The following NAV2 variants were observed in gnomAD, a reference collection of about 807,000 sequenced individuals.
NAV2 encodes the protein helicase, APC down-regulated 1.
NAV2 carries 54 observed loss-of-function variants against 223.2 expected under a neutral mutation model. The ratio of observed to expected loss-of-function variants is 0.24; its 90% confidence interval spans 0.19 to 0.30. NAV2 has a LOEUF of 0.30. NAV2 is among the 10% of genes least tolerant of loss of function. NAV2 has a pLI of 1.00. For missense variants in NAV2, 2,806 were observed against 3,147.5 expected, an observed-to-expected ratio of 0.89 and a Z score of 2.60; for synonymous variants, 1,279 against 1,239.3, an observed-to-expected ratio of 1.03 and a Z score of -0.67.
chr11:19,984,440 C>T (rs1321389556), intron 11 of NAV2, among the ~76,000 whole-genome samples, 193 bp downstream of exon 11: 4 of 152,090 alleles, frequency 2.6e-5, no homozygotes, highest in African/African-American at 9.7e-5. Flanking sequence ...TTCTTGAGTC[C>T]TGCTTCTGTG....
chr11:19,663,946 G>T (rs2048349904), intron 1 of NAV2, among the ~76,000 whole-genome samples: 1 of 152,158 alleles, frequency 6.6e-6, no homozygotes. Context: ...CCCATGGCAG[G>T]CACCGCTAAG....
chr11:19,924,520 G>T (rs1216098504), intron 6 of NAV2, among the ~76,000 whole-genome samples: 2 of 152,162 alleles, frequency 1.3e-5, no homozygotes, highest in Admixed American at 1.3e-4. Flanking sequence ...ACTGGGAAAT[G>T]TGTGGTTCAT....
intron 10 of NAV2, among the ~76,000 whole-genome samples, chr11:19,952,744 G>T (rs1214192255): frequency 6.6e-6 from 1 of 152,172 alleles, no homozygotes; most frequent in African/African-American, 2.4e-5. Flanking sequence ...CTGTACTGGT[G>T]TGTGCATGTG....
At chr11:19,376,674 C>A (rs1276206312) in intron 1 of NAV2, among the ~76,000 whole-genome samples, 1 of 152,170 alleles carries the variant, frequency 6.6e-6, no homozygotes, top group East Asian at 1.9e-4. Flanking sequence ...TGTCTAGAAC[C>A]CTCAGCTTGG....
At chr11:19,892,327 T>A (rs1211833917) in intron 5 of NAV2, 107 bp from the exon 6 acceptor site, 3 of 1,051,770 alleles carry the variant, frequency 2.9e-6, no homozygotes, top group Non-Finnish European at 4.0e-6. Flanking sequence ...CTCCACACAA[T>A]GTCTTGGATA....
intron 1 of NAV2, among the ~76,000 whole-genome samples, chr11:19,475,294 G>A (rs979811662): frequency 6.6e-6 from 1 of 152,238 alleles, no homozygotes; most frequent in Non-Finnish European, 1.5e-5. Context: ...AGAATGAAGA[G>A]GACAAAGCCT....
At chr11:19,626,223 T>C (rs971487343) in intron 1 of NAV2, among the ~76,000 whole-genome samples, 3 of 152,194 alleles carry the variant, frequency 2.0e-5, no homozygotes, top group Non-Finnish European at 2.9e-5. Flanking sequence ...GGATGAGAGA[T>C]GGAGGTCTGT....
At chr11:19,804,432 G>T (rs557066420) in intron 1 of NAV2, among the ~76,000 whole-genome samples, 1 of 152,290 alleles carries the variant, frequency 6.6e-6, no homozygotes, top group South Asian at 2.1e-4. Flanking sequence ...CATTTGAAAT[G>T]CAGGGTGGAT....
chr11:19,356,274 A>AG (rs1372426804), intron 1 of NAV2, among the ~76,000 whole-genome samples: 1 of 152,166 alleles, frequency 6.6e-6, no homozygotes, highest in African/African-American at 2.4e-5. Context: ...GTATAGGGTC[A>AG]GGGGGGAGGA....
rs2046254942 is a variant in NAV2 at position 19,939,864 on chromosome 11, GAGTTGC to G, written c.2146+93_2146+98del. On this transcript the variant is annotated intron_variant, in intron 8 of 37. Transcript: ENST00000349880. ...AACAGCATGAACCCAGCTTGATTAC[GAGTTGC>G]ATTATGTTTGCATTGACTTTGAGCT... is the stretch of plus-strand genomic sequence containing the variant. 8 of 782,972 alleles carry G rather than the reference GAGTTGC, an allele frequency of 1.0e-5. No homozygotes were observed. The South Asian group carries it at 1.5e-4, about 15-fold the overall frequency. 48.5% of individuals were successfully genotyped at this position (782,972 alleles called of 1,614,324 possible).
At chr11:19,646,008 G>A (rs1416583069) in intron 1 of NAV2, among the ~76,000 whole-genome samples, 1 of 152,178 alleles carries the variant, frequency 6.6e-6, no homozygotes, top group Non-Finnish European at 1.5e-5. Context: ...GCAATGTGAT[G>A]TCATTAAAGG....
At chr11:19,509,449 G>C (rs2043211208) in intron 1 of NAV2, among the ~76,000 whole-genome samples, 1 of 152,196 alleles carries the variant, frequency 6.6e-6, no homozygotes, top group South Asian at 2.1e-4. Context: ...CCCAGGGAAG[G>C]CTGGAATGTC....
intron 1 of NAV2, among the ~76,000 whole-genome samples, chr11:19,496,273 A>G (rs936980156): frequency 6.6e-6 from 1 of 152,274 alleles, no homozygotes; most frequent in African/African-American, 2.4e-5. Flanking sequence ...GCTTAAAACA[A>G]TAAACATTTA....
At chr11:19,852,901 G>A (rs372384571) in intron 3 of NAV2, among the ~76,000 whole-genome samples, 7 of 152,300 alleles carry the variant, frequency 4.6e-5, no homozygotes, top group South Asian at 2.1e-4. Context: ...TATTTTGAGC[G>A]CACTGTGTAA....
chr11:19,864,717 T>A (rs554992434), intron 3 of NAV2, among the ~76,000 whole-genome samples: 7 of 152,260 alleles, frequency 4.6e-5, no homozygotes, highest in African/African-American at 1.7e-4. Context: ...TCAGCTGAGA[T>A]TGGCAGAAAG....
At chr11:19,881,905 G>T (rs2063236303) in intron 5 of NAV2, among the ~76,000 whole-genome samples, 1 of 152,194 alleles carries the variant, frequency 6.6e-6, no homozygotes, top group African/African-American at 2.4e-5. Flanking sequence ...AGCTTAGTAG[G>T]GGAGGAGAGG....
At chr11:19,989,039 G>A (rs2051072320) in intron 11 of NAV2, among the ~76,000 whole-genome samples, 1 of 152,184 alleles carries the variant, frequency 6.6e-6, no homozygotes, top group Non-Finnish European at 1.5e-5. Context: ...AGCCACATAA[G>A]AGAAGCAGCA....
chr11:19,877,634 G>T (rs968926233), intron 4 of NAV2, among the ~76,000 whole-genome samples: 4 of 151,556 alleles, frequency 2.6e-5, no homozygotes, highest in African/African-American at 7.3e-5. Flanking sequence ...CACCACGCCC[G>T]GCTAATTTTT....
intron 6 of NAV2, among the ~76,000 whole-genome samples, chr11:19,913,978 T>C (rs1299892964): frequency 6.6e-6 from 1 of 151,174 alleles, no homozygotes; most frequent in Non-Finnish European, 1.5e-5. Context: ...AGCTGTGGAC[T>C]CCCCGAGCCA....
Sources: gnomAD v4.1 joint callset for allele counts (sites outside exome capture counted in the v4.1 genomes callset) on GRCh38, gnomAD v4.1.1 for gene constraint, MANE v1.5 for transcripts, NCBI Gene and HGNC (gene_info 2026-07-23, HGNC 2026-07-21) for gene names.